LRRC8D: variants seen among roughly 807,000 people sequenced by gnomAD.
The protein encoded by LRRC8D is leucine rich repeat containing 8 VRAC subunit D, also known as volume-regulated anion channel subunit LRRC8D.
A neutral mutation model predicts 55.8 loss-of-function variants in LRRC8D; 20 were observed. The observed-to-expected ratio is 0.36, with a 90% CI of 0.25 to 0.52. The LOEUF is 0.52. Among genes scored for constraint, LRRC8D ranks in the 20% least tolerant of loss-of-function variants. LRRC8D has a pLI of 0.93. For missense variants in LRRC8D, 651 were observed against 1,030.8 expected (o/e 0.63, Z 5.05); for synonymous variants, 352 against 377.0 (o/e 0.93, Z 0.77).
At chr1:89,897,356 C>T (rs1662738392) in intron 2 of LRRC8D, among the ~76,000 whole-genome samples, 1 of 152,174 alleles carries the variant, frequency 6.6e-6, no homozygotes. Context: ...TCTGCCAGTG[C>T]TTTTATCTAC....
intron 2 of LRRC8D, among the ~76,000 whole-genome samples, chr1:89,923,312 TACTA>T (rs1663469622): frequency 6.6e-6 from 1 of 152,228 alleles, no homozygotes; most frequent in African/African-American, 2.4e-5. Flanking sequence ...GATTAATACT[TACTA>T]AATATATGTT....
intron 1 of LRRC8D, among the ~76,000 whole-genome samples, chr1:89,834,318 A>G (rs1660954278): frequency 6.6e-6 from 1 of 152,358 alleles, no homozygotes; most frequent in African/African-American, 2.4e-5. Flanking sequence ...AACGAAAGTT[A>G]GCACTAAATA....
rs146483569 is a variant in LRRC8D at position 89,874,199 on chromosome 1, C to G, written c.-3+30417C>G. Among the ~76,000 whole-genome samples the G allele has an allele frequency of 5.9e-5, 9 of 152,220 alleles. No homozygotes were observed. In the South Asian group the frequency reaches 1.0e-3, roughly 18 times the overall value. On this transcript the variant is annotated intron_variant, in intron 2 of 2. Transcript: ENST00000337338. ...GCTGAAAACATCATAAAGGGAAAAACTAGGAGGAAGAGTTGCCAGTTTATG... is the reference window on the plus strand; with the variant it reads ...GCTGAAAACATCATAAAGGGAAAAAGTAGGAGGAAGAGTTGCCAGTTTATG...
At chr1:89,916,700 G>A (rs984297953) in intron 2 of LRRC8D, among the ~76,000 whole-genome samples, 3 of 151,210 alleles carry the variant, frequency 2.0e-5, no homozygotes, top group Admixed American at 1.3e-4. Context: ...TCTTTTCTTC[G>A]TTGATTTTTT....
At chr1:89,927,268 A>C (rs901939286) in intron 2 of LRRC8D, among the ~76,000 whole-genome samples, 1 of 152,286 alleles carries the variant, frequency 6.6e-6, no homozygotes, top group Non-Finnish European at 1.5e-5. Flanking sequence ...TTCCTAGGAC[A>C]GCTGTTTCTG....
rs538962511 is a variant in LRRC8D at position 89,857,755 on chromosome 1, C to T, written c.-3+13973C>T. On this transcript the variant is annotated intron_variant, in intron 2 of 2. Coordinates refer to ENST00000337338, the MANE Select transcript of LRRC8D (RefSeq NM_001134479.2). ...GCCTACACAATGAAAATTGAATCCT[C>T]AGAATGACTTGGAATCAGTCTACCC... Among the ~76,000 whole-genome samples, 171 of 152,316 alleles carry T rather than the reference C, an allele frequency of 1.1e-3. 1 individual carries two copies. Among genetic ancestry groups the T allele is most frequent in the African/African-American group, 3.9e-3 (163 of 41,562 alleles).
intron 2 of LRRC8D, among the ~76,000 whole-genome samples, chr1:89,854,167 A>G (rs1570823559): frequency 6.6e-6 from 1 of 152,190 alleles, no homozygotes; most frequent in Non-Finnish European, 1.5e-5. Flanking sequence ...AGTGGATGGG[A>G]AAGAAGTTGA....
At chr1:89,912,623 G>A (rs1157695820) in intron 2 of LRRC8D, among the ~76,000 whole-genome samples, 1 of 152,062 alleles carries the variant, frequency 6.6e-6, no homozygotes, top group Non-Finnish European at 1.5e-5. Flanking sequence ...ATTGTCTGGT[G>A]CATTTTGGCT....
In LRRC8D at chr1:89,935,501, C is replaced by T. The variant is rs1175445196; in HGVS notation, c.2433C>T (p.Asp811=). ...TGGAGCTGAAGGGGAACTGCTTGGACCGCCTGCCAGCCCAGCTGGGCCAGT... is the reference window on the plus strand; with the variant it reads ...TGGAGCTGAAGGGGAACTGCTTGGATCGCCTGCCAGCCCAGCTGGGCCAGT... The part of the protein sequence containing the change: ...TQLELKGNCL[D]RLPAQLGQCR... Residue 811 remains aspartate (D), a synonymous_variant, in exon 3 of 3, where the codon GAC becomes GAT. Coordinates refer to ENST00000337338, the MANE Select transcript of LRRC8D (RefSeq NM_001134479.2). 6.2e-7 allele frequency: 1 copy of T among 1,614,118 alleles called. No individual in the cohort carries two copies. Among genetic ancestry groups the T allele is most frequent in the African/African-American group, 1.3e-5 (1 of 74,956 alleles).
chr1:89,838,368 C>G (rs1029650808), intron 1 of LRRC8D, among the ~76,000 whole-genome samples: 10 of 151,858 alleles, frequency 6.6e-5, no homozygotes, highest in African/African-American at 2.4e-4. Flanking sequence ...GAGTGAGACT[C>G]TGTCTCAAAA....
intron 2 of LRRC8D, among the ~76,000 whole-genome samples, chr1:89,877,425 C>G (rs562320886): frequency 2.0e-5 from 3 of 152,204 alleles, no homozygotes; most frequent in African/African-American, 7.2e-5. Context: ...TTAAAAATAC[C>G]TTGCACATAG....
chr1:89,886,156 G>A lies in LRRC8D; in HGVS notation c.-3+42374G>A, dbSNP rs151299644. On this transcript the variant is annotated intron_variant, in intron 2 of 2. Coordinates refer to ENST00000337338, the MANE Select transcript of LRRC8D (RefSeq NM_001134479.2). ...TCGAAATTTTTCCTCCCATTTTTAA[G>A]AGTGTAGTGCCTCATCCATGGCAGT... 2.7e-3 allele frequency among the ~76,000 whole-genome samples: 406 copies of A among 152,248 alleles called. 7 individuals carry two copies. The highest frequency in any genetic ancestry group is 9.4e-3 in the African/African-American group (392 of 41,546).
intron 2 of LRRC8D, among the ~76,000 whole-genome samples, chr1:89,854,269 TAGTAAC>T (rs934910340): frequency 3.3e-5 from 5 of 152,166 alleles, no homozygotes; most frequent in Non-Finnish European, 4.4e-5. Flanking sequence ...AGCTGGAAGT[TAGTAAC>T]AGTTACCTTT....
intron 1 of LRRC8D, among the ~76,000 whole-genome samples, chr1:89,831,297 A>G (rs1660880183): frequency 6.6e-6 from 1 of 152,208 alleles, no homozygotes; most frequent in Non-Finnish European, 1.5e-5. Context: ...AAAGCAGAGC[A>G]AAGCAACCCG....
intron 2 of LRRC8D, among the ~76,000 whole-genome samples, chr1:89,859,249 A>T (rs775063108): frequency 8.6e-5 from 13 of 152,008 alleles, no homozygotes; most frequent in Non-Finnish European, 1.6e-4. Flanking sequence ...AAAGCTAGGT[A>T]ATTTGACTCT....
At chr1:89,875,386 A>G (rs1662121192) in intron 2 of LRRC8D, among the ~76,000 whole-genome samples, 1 of 152,226 alleles carries the variant, frequency 6.6e-6, no homozygotes, top group South Asian at 2.1e-4. Context: ...CATTTGCTGA[A>G]TGCCAAGCAG....
At chr1:89,831,136 C>T (rs1660876770) in intron 1 of LRRC8D, among the ~76,000 whole-genome samples, 1 of 152,074 alleles carries the variant, frequency 6.6e-6, no homozygotes, top group Non-Finnish European at 1.5e-5. Flanking sequence ...GAACTCCTAA[C>T]CTCATGTAAT....
chr1:89,923,264 A>G (rs757829964), intron 2 of LRRC8D, among the ~76,000 whole-genome samples: 9 of 152,240 alleles, frequency 5.9e-5, no homozygotes, highest in South Asian at 2.1e-4. Context: ...GTCTTTTGCA[A>G]TAGATGTACT....
At chr1:89,896,697 G>A (rs1445998366) in intron 2 of LRRC8D, among the ~76,000 whole-genome samples, 1 of 152,180 alleles carries the variant, frequency 6.6e-6, no homozygotes, top group Non-Finnish European at 1.5e-5. Flanking sequence ...CTAAGAGCGG[G>A]AAATCGCCAT....
Sources: allele counts gnomAD v4.1 joint callset (sites outside exome capture counted in the v4.1 genomes callset), GRCh38; gene constraint gnomAD v4.1.1; transcripts MANE v1.5; gene names NCBI Gene and HGNC (gene_info 2026-07-23, HGNC 2026-07-21).